Variants in PPP3CC observed in about 807,000 individuals in gnomAD.
PPP3CC encodes the protein serine/threonine-protein phosphatase 2B catalytic subunit gamma isoform.
A neutral mutation model predicts 60.3 loss-of-function variants in PPP3CC; 35 were observed. The ratio of observed to expected loss-of-function variants is 0.58; its 90% CI spans 0.44 to 0.77. The LOEUF is 0.77. PPP3CC is among the 30% of genes least tolerant of loss of function. The pLI, the probability that PPP3CC is intolerant of heterozygous loss-of-function variation, is 0.00. For synonymous variants in PPP3CC, 206 were observed against 224.3 expected (o/e 0.92, Z 0.73); for missense variants, 570 against 628.9 (o/e 0.91, Z 1.00).
chr8:22,477,573 G>A (rs546014329), intron 3 of PPP3CC, among the ~76,000 whole-genome samples: 1 of 152,208 alleles, frequency 6.6e-6, no homozygotes, highest in African/African-American at 2.4e-5. Flanking sequence ...GAAGGTTTCA[G>A]ACGGTAAAGA....
chr8:22,462,597 G>A (rs184232889), intron 1 of PPP3CC, among the ~76,000 whole-genome samples: 1,687 of 150,190 alleles, frequency 0.011, 27 homozygotes, highest in African/African-American at 0.037. Context: ...TTGAGACGGA[G>A]TCTTGCTCTG....
At chr8:22,460,520 A>G (rs1837334606) in intron 1 of PPP3CC, among the ~76,000 whole-genome samples, 1 of 152,016 alleles carries the variant, frequency 6.6e-6, no homozygotes, top group African/African-American at 2.4e-5. Context: ...AAAAAATAGC[A>G]TGAAAACCTT....
chr8:22,476,167 T>C lies in PPP3CC; in HGVS notation c.372+543T>C, dbSNP rs1340651280. On this transcript the variant is annotated intron_variant, in intron 3 of 13. Coordinates refer to ENST00000240139, the MANE Select transcript of PPP3CC (RefSeq NM_005605.5). ...TTTATATATTTTGAAAATGGAAAGA[T>C]AGGAACATGTTTAGAATTAAATAGA... Among the ~76,000 whole-genome samples, 4 of 152,198 alleles carry C rather than the reference T, an allele frequency of 2.6e-5. No individual in the cohort carries two copies. The East Asian group carries it at 7.7e-4, about 29-fold the overall frequency.
chr8:22,461,750 A>G (rs929756824), intron 1 of PPP3CC, among the ~76,000 whole-genome samples: 1 of 152,238 alleles, frequency 6.6e-6, no homozygotes, highest in African/African-American at 2.4e-5. Flanking sequence ...ACAGGATTTT[A>G]GGAGCTGTTA....
chr8:22,522,740 A>T lies in PPP3CC; in HGVS notation c.934A>T (p.Asn312Tyr). The change falls in exon 8 of 14, where the codon AAC becomes TAC. Residue 312 changes from asparagine (N) to tyrosine (Y), a missense_variant. Asn to Tyr is a moderately radical substitution (Grantham distance 143, BLOSUM62 -2). Transcript: ENST00000240139. ...TGCCCCCAATTACCTAGATGTCTAT[A>T]ACAATAAAGGTAAAGGAATCCAGCA... ...FSAPNYLDVY[N>Y]NKAAVLKYEN... is the part of the protein sequence containing the mutation. 6.4e-7 allele frequency: 1 copy of T among 1,573,260 alleles called. No homozygotes were observed. Among genetic ancestry groups the T allele is most frequent in the Non-Finnish European group, 8.7e-7 (1 of 1,143,424 alleles).
At chr8:22,445,999 G>C (rs1836809713) in intron 1 of PPP3CC, among the ~76,000 whole-genome samples, 1 of 152,082 alleles carries the variant, frequency 6.6e-6, no homozygotes, top group African/African-American at 2.4e-5. Flanking sequence ...TACGTTATTG[G>C]TTGTGATCAA....
At chr8:22,525,487 T>TTC (rs1352852771) in intron 8 of PPP3CC, among the ~76,000 whole-genome samples, 269 of 148,734 alleles carry the variant, frequency 1.8e-3, no homozygotes, top group African/African-American at 6.5e-3. Context: ...TTCTGCTTCC[T>TTC]TTTCTTCTTT....
chr8:22,503,792 A>G (rs1269834802), intron 4 of PPP3CC, among the ~76,000 whole-genome samples: 1 of 152,134 alleles, frequency 6.6e-6, no homozygotes, highest in African/African-American at 2.4e-5. Flanking sequence ...ATCTACCAAG[A>G]TATTCCTTCT....
rs77766728 is a variant in PPP3CC at position 22,538,925 on chromosome 8, C to G, written c.1322-544C>G. On this transcript the variant is annotated intron_variant, in intron 12 of 13. Transcript: ENST00000240139. ...CACTCCTGGACAAGAAATAACCCTTCACATGGAACCTATTTTTCTCTCCTT... is the reference window on the plus strand; with the variant it reads ...CACTCCTGGACAAGAAATAACCCTTGACATGGAACCTATTTTTCTCTCCTT... 8.9e-3 allele frequency among the ~76,000 whole-genome samples: 1,353 copies of G among 152,238 alleles called. 19 individuals carry two copies. Among genetic ancestry groups the G allele is most frequent in the African/African-American group, 0.029 (1,193 of 41,530 alleles).
At chr8:22,456,302 A>G (rs1350754852) in intron 1 of PPP3CC, among the ~76,000 whole-genome samples, 1 of 152,216 alleles carries the variant, frequency 6.6e-6, no homozygotes, top group Non-Finnish European at 1.5e-5. Flanking sequence ...CTGAAAATAC[A>G]TATTGTTTAT....
chr8:22,483,058 A>G lies in PPP3CC; in HGVS notation c.372+7434A>G, dbSNP rs140378143. On this transcript the variant is annotated intron_variant, in intron 3 of 13. Transcript: ENST00000240139. Reference sequence around the variant, plus strand: ...AATCATGTACAGTGAAGGACAGCAGAATTTGAACTTCTGAGGTATACATTT... The same window carrying G: ...AATCATGTACAGTGAAGGACAGCAGGATTTGAACTTCTGAGGTATACATTT... 3.4e-3 allele frequency among the ~76,000 whole-genome samples: 520 copies of G among 152,352 alleles called. 4 individuals carry two copies. Among genetic ancestry groups the G allele is most frequent in the African/African-American group, 0.012 (494 of 41,572 alleles).
chr8:22,493,684 G>C (rs1201593053), intron 3 of PPP3CC, among the ~76,000 whole-genome samples: 4 of 152,064 alleles, frequency 2.6e-5, no homozygotes, highest in Non-Finnish European at 4.4e-5. Context: ...AGGCCTTCAG[G>C]GGCAGTAACA....
intron 3 of PPP3CC, among the ~76,000 whole-genome samples, chr8:22,497,641 C>G (rs1406223628): frequency 6.6e-6 from 1 of 152,124 alleles, no homozygotes; most frequent in Admixed American, 6.5e-5. Flanking sequence ...TACCCTTACA[C>G]CAGTTTTGAA....
At chr8:22,475,825 G>A (rs927960155) in intron 3 of PPP3CC, among the ~76,000 whole-genome samples, 6 of 152,124 alleles carry the variant, frequency 3.9e-5, no homozygotes, top group Non-Finnish European at 7.4e-5. Context: ...CTGACAAATA[G>A]GCTATATATT....
intron 6 of PPP3CC, among the ~76,000 whole-genome samples, chr8:22,519,983 C>G (rs953261629): frequency 6.6e-6 from 1 of 152,108 alleles, no homozygotes; most frequent in Non-Finnish European, 1.5e-5. Flanking sequence ...CTTGAACTTC[C>G]TTTAGTTGCT....
intron 5 of PPP3CC, among the ~76,000 whole-genome samples, chr8:22,511,841 C>T (rs1432962192): frequency 6.6e-6 from 1 of 152,192 alleles, no homozygotes; most frequent in Non-Finnish European, 1.5e-5. Flanking sequence ...AATCACAGTC[C>T]TGCCATTAAC....
chr8:22,491,428 C>A (rs1300723377), intron 3 of PPP3CC, among the ~76,000 whole-genome samples: 1 of 152,128 alleles, frequency 6.6e-6, no homozygotes, highest in East Asian at 1.9e-4. Flanking sequence ...TCTCTAATTA[C>A]TGATGAAATT....
intron 3 of PPP3CC, among the ~76,000 whole-genome samples, chr8:22,495,469 G>C (rs998028986): frequency 6.6e-6 from 1 of 152,102 alleles, no homozygotes; most frequent in Admixed American, 6.6e-5. Context: ...CTTCAGGGTA[G>C]ATTCCTAGAA....
At chr8:22,480,691 C>T (rs1838036642) in intron 3 of PPP3CC, among the ~76,000 whole-genome samples, 1 of 152,080 alleles carries the variant, frequency 6.6e-6, no homozygotes, top group African/African-American at 2.4e-5. Context: ...ATTGGCCAGG[C>T]TGGTCTCCAA....
Sources: allele counts gnomAD v4.1 joint callset (sites outside exome capture counted in the v4.1 genomes callset), GRCh38; gene constraint gnomAD v4.1.1; transcripts MANE v1.5; gene names NCBI Gene and HGNC (gene_info 2026-07-23, HGNC 2026-07-21).